The following TMEM135 variants were observed in gnomAD, a reference collection of about 807,000 sequenced individuals.
TMEM135 encodes the protein transmembrane protein 135, also known as peroxisomal membrane protein 52.
A neutral mutation model predicts 60.3 loss-of-function variants in TMEM135; 30 were observed. That is an observed-to-expected ratio of 0.50 (90% confidence interval 0.37 to 0.68). The LOEUF (loss-of-function observed/expected upper bound fraction) is 0.68, where lower values mean the gene tolerates loss of function less well. TMEM135 is among the 30% of genes least tolerant of loss of function. The pLI is 0.00. For synonymous variants in TMEM135, 190 were observed against 186.7 expected (o/e 1.02, Z -0.14); for missense variants, 468 against 548.8 (o/e 0.85, Z 1.47).
intron 3 of TMEM135, among the ~76,000 whole-genome samples, chr11:87,087,029 G>C (rs778550303): frequency 6.6e-6 from 1 of 152,150 alleles, no homozygotes; most frequent in Non-Finnish European, 1.5e-5. Context: ...GTCTCTCTTA[G>C]AGGCCTATCT....
At chr11:87,135,519 G>A (rs1264955394) in intron 4 of TMEM135, among the ~76,000 whole-genome samples, 36 of 110,566 alleles carry the variant, frequency 3.3e-4, no homozygotes, top group Non-Finnish European at 6.1e-4. Context: ...ACGGAATTAC[G>A]TTTGCACTAT....
chr11:87,162,692 T>C (rs916119303), intron 5 of TMEM135, among the ~76,000 whole-genome samples: 1 of 152,194 alleles, frequency 6.6e-6, no homozygotes, highest in Non-Finnish European at 1.5e-5. Flanking sequence ...CGTGTACATG[T>C]GTCTTTATAG....
chr11:87,223,698 A>ACACACACACACAC (rs1565492145), intron 5 of TMEM135, among the ~76,000 whole-genome samples: 1 of 140,672 alleles, frequency 7.1e-6, no homozygotes, highest in African/African-American at 2.9e-5. Flanking sequence ...CACACACACA[A>ACACACACACACAC]AATTAGCTGG....
chr11:87,232,667 C>T (rs917038249), intron 5 of TMEM135, among the ~76,000 whole-genome samples: 3 of 152,104 alleles, frequency 2.0e-5, no homozygotes, highest in South Asian at 4.1e-4. Context: ...TCTGTACATA[C>T]ATGCACTATG....
At chr11:87,275,465 C>T (rs1221879653) in intron 6 of TMEM135, among the ~76,000 whole-genome samples, 2 of 151,724 alleles carry the variant, frequency 1.3e-5, no homozygotes, top group African/African-American at 4.8e-5. Context: ...AATTTTGATA[C>T]CCTGTTGCCA....
chr11:87,055,565 A>G (rs1199821963), intron 1 of TMEM135, among the ~76,000 whole-genome samples: 3 of 152,150 alleles, frequency 2.0e-5, no homozygotes, highest in Non-Finnish European at 4.4e-5. Context: ...TTTTTCGACA[A>G]AATTGTGAAG....
At position 87,037,978 on chromosome 11, in the gene TMEM135, G is replaced by C; in HGVS notation, c.-68G>C. ...TGGCCGGGCGAGAGGCTGGCGGCTG[G>C]GCTCTCGCGCCCCTCCCTGCAGGGC... On this transcript the variant is annotated 5_prime_UTR_variant, in exon 1 of 15. Transcript: ENST00000305494. The C allele has an allele frequency of 6.2e-7, 1 of 1,606,408 alleles. No homozygotes were observed. Among genetic ancestry groups the C allele is most frequent in the East Asian group, 2.2e-5 (1 of 44,836 alleles).
chr11:87,134,093 G>C (rs139056794), intron 4 of TMEM135, among the ~76,000 whole-genome samples: 163 of 152,140 alleles, frequency 1.1e-3, no homozygotes, highest in African/African-American at 3.7e-3. Flanking sequence ...AGACTGTGTG[G>C]CTTAAACAGC....
chr11:87,118,584 G>A (rs1414714542), intron 4 of TMEM135, among the ~76,000 whole-genome samples: 1 of 152,016 alleles, frequency 6.6e-6, no homozygotes, highest in Non-Finnish European at 1.5e-5. Context: ...AAGTAGCTGG[G>A]ATAACAGGTG....
rs541094863 is a variant in TMEM135 at position 87,295,872 on chromosome 11, A to T, written c.551+49A>T. 4.0e-5 allele frequency: 57 copies of T among 1,425,072 alleles called. No individual in the cohort carries two copies. The African/African-American group carries it at 6.2e-4, about 15-fold the overall frequency. 88.3% of individuals were successfully genotyped at this position (1,425,072 alleles called of 1,614,324 possible). ...TGAGAGAGAATTTACAAGTTAACTTAAAAAATTATACATAATTACAATAAA... is the reference window on the plus strand; with the variant it reads ...TGAGAGAGAATTTACAAGTTAACTTTAAAAATTATACATAATTACAATAAA... On this transcript the variant is annotated intron_variant, in intron 7 of 14. Coordinates refer to ENST00000305494, the MANE Select transcript of TMEM135 (RefSeq NM_022918.4).
At chr11:87,318,296 A>G (rs747987857) in intron 13 of TMEM135, 61 bp downstream of exon 13, 113 of 1,156,998 alleles carry the variant, frequency 9.8e-5, no homozygotes, top group Middle Eastern at 5.8e-4. Context: ...TACGTTAATC[A>G]AATGGGAGAG....
chr11:87,294,713 G>T (rs1018137189), intron 6 of TMEM135, among the ~76,000 whole-genome samples: 1 of 152,140 alleles, frequency 6.6e-6, no homozygotes, highest in Non-Finnish European at 1.5e-5. Context: ...AGAATATCCA[G>T]TGTCTTTATA....
intron 5 of TMEM135, among the ~76,000 whole-genome samples, chr11:87,173,864 A>ATTTG (rs1939302965): frequency 6.6e-6 from 1 of 152,118 alleles, no homozygotes; most frequent in Non-Finnish European, 1.5e-5. Context: ...TTGGGTTGGC[A>ATTTG]TTTGTTGCCA....
Position 87,289,819 on chromosome 11 carries a change from C to T in TMEM135, c.510-5963C>T, listed in dbSNP as rs193245154. Among the ~76,000 whole-genome samples, 45 of 152,176 alleles carry T rather than the reference C, an allele frequency of 3.0e-4. No homozygotes were observed. The East Asian group carries it at 7.7e-3, about 26-fold the overall frequency. ...CCTTGAGTATTTTCTGTTCTACTTT[C>T]TACTTTTCACTTCTATGAGGTAAAC... On this transcript the variant is annotated intron_variant, in intron 6 of 14. Coordinates refer to ENST00000305494, the MANE Select transcript of TMEM135 (RefSeq NM_022918.4).
chr11:87,199,702 G>A (rs1275724262), intron 5 of TMEM135, among the ~76,000 whole-genome samples: 2 of 152,080 alleles, frequency 1.3e-5, no homozygotes, highest in Non-Finnish European at 2.9e-5. Flanking sequence ...GGCCGAGGCA[G>A]GCGTATCACC....
At chr11:87,107,840 A>G (rs375761129) in intron 4 of TMEM135, among the ~76,000 whole-genome samples, 1 of 152,000 alleles carries the variant, frequency 6.6e-6, no homozygotes. Flanking sequence ...TCACCACACT[A>G]TCTTCCACAA....
intron 4 of TMEM135, among the ~76,000 whole-genome samples, chr11:87,136,225 T>C (rs1938094339): frequency 6.6e-6 from 1 of 152,062 alleles, no homozygotes; most frequent in Non-Finnish European, 1.5e-5. Flanking sequence ...TAAAAAAATT[T>C]TTGGAATGGA....
At position 87,310,270 on chromosome 11, in the gene TMEM135, T is replaced by G. The variant is rs544699924; in HGVS notation, c.936+598T>G. On this transcript the variant is annotated intron_variant, in intron 10 of 14. Transcript: ENST00000305494. ...ATATATAAGCCCACGCCTAAACATA[T>G]ATGTAGAGATCATTCTTAACCTAGT... Among the ~76,000 whole-genome samples the G allele has an allele frequency of 1.5e-4, 23 of 152,286 alleles. No homozygotes were observed. In the South Asian group the frequency reaches 4.8e-3, roughly 32 times the overall value.
chr11:87,169,590 G>A (rs1048614764), intron 5 of TMEM135, among the ~76,000 whole-genome samples: 5 of 151,948 alleles, frequency 3.3e-5, no homozygotes, highest in African/African-American at 4.8e-5. Context: ...TAAAATTCTG[G>A]GTTGAAAATC....
Sources: allele counts gnomAD v4.1 joint callset (sites outside exome capture counted in the v4.1 genomes callset), GRCh38; gene constraint gnomAD v4.1.1; transcripts MANE v1.5; gene names NCBI Gene and HGNC (gene_info 2026-07-23, HGNC 2026-07-21).